The following PTPRZ1 variants were observed in gnomAD, a reference collection of about 807,000 sequenced individuals.
The protein encoded by PTPRZ1 is protein tyrosine phosphatase receptor type Z1.
A neutral mutation model predicts 214.1 loss-of-function variants in PTPRZ1; 82 were observed. That is an observed-to-expected ratio of 0.38 (90% CI 0.32 to 0.46). The LOEUF (loss-of-function observed/expected upper bound fraction) is 0.46. PTPRZ1 is among the 20% of genes least tolerant of loss of function. The pLI, the probability that PTPRZ1 is intolerant of heterozygous loss-of-function variation, is 1.00. For missense variants in PTPRZ1, 2,603 were observed against 2,748.7 expected, an observed-to-expected ratio of 0.95 and a Z score of 1.19; for synonymous variants, 945 against 987.9, an observed-to-expected ratio of 0.96 and a Z score of 0.81.
chr7:122,059,927 G>C, intron 29 of PTPRZ1, 39 bp downstream of exon 29: 1 of 1,594,722 alleles, frequency 6.3e-7, no homozygotes, highest in Non-Finnish European at 8.5e-7. Flanking sequence ...TTCACTGATA[G>C]AGTACAACTA....
At chr7:122,030,868 A>C (rs560983665) in intron 14 of PTPRZ1, among the ~76,000 whole-genome samples, 39 of 152,166 alleles carry the variant, frequency 2.6e-4, no homozygotes, top group African/African-American at 8.2e-4. Flanking sequence ...TTTACATAGC[A>C]TATTTTCAAG....
intron 17 of PTPRZ1, among the ~76,000 whole-genome samples, chr7:122,034,600 C>T (rs1390293745): frequency 1.3e-5 from 2 of 152,138 alleles, no homozygotes; most frequent in African/African-American, 4.8e-5. Context: ...ACAAAACAAA[C>T]TTAGAATTTT....
At chr7:122,031,773 G>A in intron 15 of PTPRZ1, 2 of 297,250 alleles carry the variant, frequency 6.7e-6, no homozygotes, top group East Asian at 5.6e-5. Flanking sequence ...AAGTTGTACT[G>A]GTGGAAACAT....
chr7:122,044,161 C>T (rs1799811797), intron 22 of PTPRZ1, among the ~76,000 whole-genome samples: 1 of 152,142 alleles, frequency 6.6e-6, no homozygotes, highest in Non-Finnish European at 1.5e-5. Flanking sequence ...GCCTTGCCAA[C>T]TCTTCCTGCC....
At chr7:121,941,840 G>A (rs1247107513) in intron 2 of PTPRZ1, among the ~76,000 whole-genome samples, 1 of 152,120 alleles carries the variant, frequency 6.6e-6, no homozygotes, top group Non-Finnish European at 1.5e-5. Context: ...ATGTCCTTAA[G>A]GAGTGATAAT....
chr7:122,015,211 C>G (rs943215685), intron 12 of PTPRZ1, among the ~76,000 whole-genome samples: 6 of 152,150 alleles, frequency 3.9e-5, no homozygotes, highest in African/African-American at 1.4e-4. Flanking sequence ...TAAATGTGAA[C>G]GTATCTTAAA....
In PTPRZ1 at chr7:121,880,994, A is replaced by G. The variant is rs147012204; in HGVS notation, c.58+7437A>G. ...ATTCTCAATCCTGGCTGCATTTTGA[A>G]CTTACTTGGTGTTATGGACTGAATG... On this transcript the variant is annotated intron_variant, in intron 1 of 29. Coordinates refer to ENST00000393386, the MANE Select transcript of PTPRZ1 (RefSeq NM_002851.3). 2.6e-3 allele frequency among the ~76,000 whole-genome samples: 396 copies of G among 152,202 alleles called. 2 individuals carry two copies. Among genetic ancestry groups the G allele is most frequent in the African/African-American group, 8.9e-3 (370 of 41,554 alleles).
Position 121,967,874 on chromosome 7 carries a change from G to C in PTPRZ1, c.125-77G>C, listed in dbSNP as rs549960350. On this transcript the variant is annotated intron_variant, in intron 2 of 29. Coordinates refer to ENST00000393386, the MANE Select transcript of PTPRZ1 (RefSeq NM_002851.3). ...ACTATTGCATCTATTTTTATGTAAT[G>C]TATTAACTATAATGTAAAGTTTAAT... The C allele has an allele frequency of 5.8e-5, 59 of 1,017,280 alleles. No individual in the cohort carries two copies. The African/African-American group carries it at 9.0e-4, about 15-fold the overall frequency. The allele number at this position is 1,017,280 out of a possible 1,614,324, so 63.0% of individuals were successfully genotyped here. A position where few individuals can be genotyped will look rare whatever the true frequency, so the allele number is the denominator to read the frequency against.
chr7:121,883,100 G>A (rs888573783), intron 1 of PTPRZ1, among the ~76,000 whole-genome samples: 18 of 152,130 alleles, frequency 1.2e-4, no homozygotes, highest in African/African-American at 3.6e-4. Context: ...GAGGATGATC[G>A]CTTGAAACCT....
chr7:121,883,918 G>T (rs1225918529), intron 1 of PTPRZ1, among the ~76,000 whole-genome samples: 1 of 152,146 alleles, frequency 6.6e-6, no homozygotes, highest in African/African-American at 2.4e-5. Context: ...GAGCCACTGT[G>T]CCTGGCTAGC....
intron 23 of PTPRZ1, among the ~76,000 whole-genome samples, chr7:122,046,898 A>C (rs1294953479): frequency 6.6e-6 from 1 of 152,192 alleles, no homozygotes; most frequent in Non-Finnish European, 1.5e-5. Flanking sequence ...GAATTGGATA[A>C]AATAGCCAAT....
intron 24 of PTPRZ1, 68 bp from the exon 25 acceptor site, chr7:122,051,798 C>T: frequency 2.2e-6 from 3 of 1,385,894 alleles, no homozygotes; most frequent in Non-Finnish European, 3.0e-6. Flanking sequence ...TGGTACAGTG[C>T]TGTGAGCATG....
chr7:121,949,361 GT>G (rs1413153989), intron 2 of PTPRZ1, among the ~76,000 whole-genome samples: 2 of 151,936 alleles, frequency 1.3e-5, no homozygotes, highest in South Asian at 2.1e-4. Context: ...GGGGCCCCAA[GT>G]TTTTTTTCCT....
At chr7:121,980,338 T>C (rs1168747974) in intron 6 of PTPRZ1, among the ~76,000 whole-genome samples, 2 of 152,182 alleles carry the variant, frequency 1.3e-5, no homozygotes, top group East Asian at 3.9e-4. Context: ...AGGAGGTAAT[T>C]TAACTACAAC....
chr7:122,047,549 G>C (rs1264898734), intron 23 of PTPRZ1, among the ~76,000 whole-genome samples: 1 of 152,064 alleles, frequency 6.6e-6, no homozygotes, highest in Admixed American at 6.6e-5. Context: ...TAGGCTCTAA[G>C]GCTGGAGGCT....
intron 13 of PTPRZ1, among the ~76,000 whole-genome samples, chr7:122,023,936 G>A (rs1238989251): frequency 8.7e-5 from 13 of 149,840 alleles, no homozygotes; most frequent in South Asian, 6.2e-4. Flanking sequence ...ATGAAAAGGC[G>A]TAAACCAAAT....
chr7:121,879,753 C>T (rs1794176760), intron 1 of PTPRZ1, among the ~76,000 whole-genome samples: 1 of 152,030 alleles, frequency 6.6e-6, no homozygotes, highest in Admixed American at 6.6e-5. Flanking sequence ...TTATTTTCTT[C>T]TCAACTACCT....
chr7:121,923,118 G>A (rs1321933867), intron 1 of PTPRZ1, among the ~76,000 whole-genome samples: 2 of 152,110 alleles, frequency 1.3e-5, no homozygotes, highest in East Asian at 3.9e-4. Flanking sequence ...CAAATCTTGA[G>A]TTCTGTGATT....
chr7:121,880,394 A>G (rs1391310140), intron 1 of PTPRZ1, among the ~76,000 whole-genome samples: 2 of 152,154 alleles, frequency 1.3e-5, no homozygotes, highest in East Asian at 3.8e-4. Context: ...GAGAATACAG[A>G]TATTTTCCTG....
Sources: allele counts gnomAD v4.1 joint callset (sites outside exome capture counted in the v4.1 genomes callset), GRCh38; gene constraint gnomAD v4.1.1; transcripts MANE v1.5; gene names NCBI Gene and HGNC (gene_info 2026-07-23, HGNC 2026-07-21).